ASPA: variants seen among roughly 807,000 people sequenced by gnomAD.
The protein encoded by ASPA is ACY-2.
A neutral mutation model predicts 29.6 loss-of-function variants in ASPA; 25 were observed. That is an observed-to-expected ratio of 0.85 (90% confidence interval 0.62 to 1.18). The LOEUF (loss-of-function observed/expected upper bound fraction) is 1.18. Among genes scored for constraint, ASPA ranks in the 50% most tolerant of loss-of-function variants. The probability of loss-of-function intolerance (pLI) is 0.00; values close to 1 mark genes in which losing one functional copy is unlikely to be tolerated. For missense variants in ASPA, 333 were observed against 385.7 expected, an observed-to-expected ratio of 0.86 and a Z score of 1.14; for synonymous variants, 131 against 130.3, an observed-to-expected ratio of 1.01 and a Z score of -0.04.
At chr17:3,491,877 C>CTTTTTT (rs540965896) in intron 4 of ASPA, among the ~76,000 whole-genome samples, 4 of 123,056 alleles carry the variant, frequency 3.3e-5, no homozygotes, top group Non-Finnish European at 4.9e-5. Context: ...CTTTTGTTTT[C>CTTTTTT]TTTTTTTTTT....
At chr17:3,480,473 G>T (rs868566305) in intron 1 of ASPA, among the ~76,000 whole-genome samples, 4 of 152,182 alleles carry the variant, frequency 2.6e-5, no homozygotes, top group African/African-American at 4.8e-5. Context: ...CAGTTCCTAC[G>T]TGGGGACCAC....
intron 4 of ASPA, among the ~76,000 whole-genome samples, chr17:3,492,502 T>A (rs560781882): frequency 7.9e-5 from 12 of 152,222 alleles, no homozygotes; most frequent in Non-Finnish European, 1.2e-4. Context: ...CAGTGTGATG[T>A]TTCATATCCT....
chr17:3,493,540 G>C (rs2073859290), intron 4 of ASPA, among the ~76,000 whole-genome samples: 1 of 99,770 alleles, frequency 1.0e-5, no homozygotes, highest in Admixed American at 1.7e-4. Context: ...CAGCCTGGGT[G>C]AAAGAGCGAG....
At chr17:3,483,693 T>A in intron 3 of ASPA, 101 bp downstream of exon 3, 5 of 1,163,890 alleles carry the variant, frequency 4.3e-6, no homozygotes, top group Non-Finnish European at 6.3e-6. Flanking sequence ...GACAGAGTCT[T>A]GCTCTGTCAC....
At chr17:3,489,383 A>G (rs2073783276) in intron 4 of ASPA, 41 bp downstream of exon 4, 5 of 1,477,764 alleles carry the variant, frequency 3.4e-6, no homozygotes, top group Middle Eastern at 1.7e-4. Context: ...CTTAACCACC[A>G]AACATTTAAA....
At chr17:3,483,429 G>T in intron 2 of ASPA, 70 bp from the exon 3 acceptor site, 1 of 1,317,356 alleles carries the variant, frequency 7.6e-7, no homozygotes, top group South Asian at 1.2e-5. Flanking sequence ...AGGTATTATT[G>T]ACTCTGTTGA....
rs932604454 is a variant in ASPA at position 3,490,993 on chromosome 17, C to G, written c.634+1651C>G. ...CCAGCTTGGTGGATTTTCAACTGAGCACTCCTATCCACAGAATGCTGACAA... is the reference window on the plus strand; with the variant it reads ...CCAGCTTGGTGGATTTTCAACTGAGGACTCCTATCCACAGAATGCTGACAA... On this transcript the variant is annotated intron_variant, in intron 4 of 5. Transcript: ENST00000263080. The surrounding 1 kb of genome is among the most constrained non-coding windows in gnomAD (Gnocchi z 4.6). 6.6e-6 allele frequency among the ~76,000 whole-genome samples: 1 copy of G among 152,172 alleles called. No homozygotes were observed. Among genetic ancestry groups the G allele is most frequent in the African/African-American group, 2.4e-5 (1 of 41,442 alleles).
Position 3,490,618 on chromosome 17 carries a change from G to C in ASPA, c.634+1276G>C, listed in dbSNP as rs959578893. 5.3e-5 allele frequency among the ~76,000 whole-genome samples: 8 copies of C among 152,080 alleles called. No homozygotes were observed. The highest frequency in any genetic ancestry group is 1.2e-4 in the Non-Finnish European group (8 of 68,018). ...CCAAAATCATGAAAACTGAAAATTT[G>C]CTTTTTACCATCTTTGTCTGAGGGC... On this transcript the variant is annotated intron_variant, in intron 4 of 5. Coordinates refer to ENST00000263080, the MANE Select transcript of ASPA (RefSeq NM_000049.4). The surrounding 1 kb of genome is among the most constrained non-coding windows in gnomAD (Gnocchi z 4.6).
At position 3,502,520 on chromosome 17, in the gene ASPA, T is replaced by C. The variant is rs991310903; in HGVS notation, c.*3432T>C. ...GCGTCCAGTCTATAAACTTCAGCAT[T>C]CGTTGCGAAATCCAGAGGAGACTTT... On this transcript the variant is annotated 3_prime_UTR_variant, in exon 6 of 6. Coordinates refer to ENST00000263080, the MANE Select transcript of ASPA (RefSeq NM_000049.4). 6 of 152,260 alleles carry C rather than the reference T, an allele frequency of 3.9e-5. No individual in the cohort carries two copies. Among genetic ancestry groups the C allele is most frequent in the African/African-American group, 1.4e-4 (6 of 41,474 alleles). 9.4% of individuals were successfully genotyped at this position (152,260 alleles called of 1,614,324 possible). A position where few individuals can be genotyped will look rare whatever the true frequency, so the allele number is the denominator to read the frequency against.
At chr17:3,482,037 A>G (rs888174142) in intron 2 of ASPA, among the ~76,000 whole-genome samples, 1 of 152,212 alleles carries the variant, frequency 6.6e-6, no homozygotes, top group African/African-American at 2.4e-5. Context: ...ATAAAGTAAT[A>G]AAACACTTGT....
chr17:3,478,013 T>C (rs1195524817), intron 1 of ASPA, among the ~76,000 whole-genome samples: 1 of 151,484 alleles, frequency 6.6e-6, no homozygotes, highest in African/African-American at 2.4e-5. Flanking sequence ...AAACCCCGTC[T>C]CTACTAAAAA....
At chr17:3,493,486 G>A (rs555638642) in intron 4 of ASPA, among the ~76,000 whole-genome samples, 1 of 150,640 alleles carries the variant, frequency 6.6e-6, no homozygotes, top group African/African-American at 2.4e-5. Context: ...GCTTGAACCC[G>A]GGAGGTGGAG....
chr17:3,479,807 C>A (rs2073596403), intron 1 of ASPA, among the ~76,000 whole-genome samples: 1 of 151,928 alleles, frequency 6.6e-6, no homozygotes, highest in African/African-American at 2.4e-5. Flanking sequence ...AAGATACTAG[C>A]AAAAATAACC....
In ASPA at chr17:3,499,365, T is replaced by A; in HGVS notation, c.*277T>A. 3.8e-6 allele frequency: 1 copy of A among 261,886 alleles called. No homozygotes were observed. Among genetic ancestry groups the A allele is most frequent in the Non-Finnish European group, 7.1e-6 (1 of 140,772 alleles). 16.2% of individuals were successfully genotyped at this position (261,886 alleles called of 1,614,324 possible). ...CTCAACATTCTTAATAAACAGCCTTTGTATTCAGAATATAAAATTGAAATA... is the reference window on the plus strand; with the variant it reads ...CTCAACATTCTTAATAAACAGCCTTAGTATTCAGAATATAAAATTGAAATA... On this transcript the variant is annotated 3_prime_UTR_variant, in exon 6 of 6. Transcript: ENST00000263080.
intron 1 of ASPA, among the ~76,000 whole-genome samples, chr17:3,478,140 G>A (rs1012156088): frequency 2.0e-5 from 3 of 151,976 alleles, no homozygotes; most frequent in African/African-American, 2.4e-5. Context: ...AGCAGAGATG[G>A]TGCCACTGCA....
rs1447431629 is a variant in ASPA, at chr17:3,489,355, G to A, written c.634+13G>A. On this transcript the variant is annotated intron_variant, in intron 4 of 5. Coordinates refer to ENST00000263080, the MANE Select transcript of ASPA (RefSeq NM_000049.4). The stretch of plus-strand genomic sequence containing the variant: ...CATTTCAATGAAGGTAAGTAATAAT[G>A]AAGGTAACGTTATCAAACTTAACCA... 1 of 1,569,298 alleles carries A rather than the reference G, an allele frequency of 6.4e-7. No individual in the cohort carries two copies. Among genetic ancestry groups the A allele is most frequent in the South Asian group, 1.1e-5 (1 of 90,068 alleles).
intron 1 of ASPA, among the ~76,000 whole-genome samples, chr17:3,479,221 C>T (rs1050275887): frequency 6.6e-6 from 1 of 152,178 alleles, no homozygotes; most frequent in African/African-American, 2.4e-5. Context: ...CCAATGGGAG[C>T]TCAACTGCAG....
intron 1 of ASPA, among the ~76,000 whole-genome samples, chr17:3,478,195 AT>A (rs1287639100): frequency 2.2e-5 from 3 of 138,302 alleles, no homozygotes; most frequent in South Asian, 2.2e-4. Context: ...AAAAAAAAAA[AT>A]ATATATATAT....
Position 3,485,747 on chromosome 17 carries a change from C to T in ASPA, c.526+2155C>T, listed in dbSNP as rs576028949. ...TTACAAGCTAACCATTAGCCTAGCA[C>T]CTCTGAGTGGATGCCAGTAGAAGAC... On this transcript the variant is annotated intron_variant, in intron 3 of 5. Coordinates refer to ENST00000263080, the MANE Select transcript of ASPA (RefSeq NM_000049.4). This position sits in a 1 kb window ranked among gnomAD's most constrained non-coding sequence, Gnocchi z 4.4. 6.6e-6 allele frequency among the ~76,000 whole-genome samples: 1 copy of T among 152,288 alleles called. No homozygotes were observed. Among genetic ancestry groups the T allele is most frequent in the East Asian group, 1.9e-4 (1 of 5,172 alleles).
Sources: allele counts gnomAD v4.1 joint callset (sites outside exome capture counted in the v4.1 genomes callset), GRCh38; gene constraint gnomAD v4.1.1; non-coding constraint Gnocchi (gnomAD v3.1); transcripts MANE v1.5; gene names NCBI Gene and HGNC (gene_info 2026-07-23, HGNC 2026-07-21).